CEP128: variants seen among roughly 807,000 people sequenced by gnomAD.
The protein encoded by CEP128 is centrosomal protein 128kDa.
CEP128 carries 132 observed loss-of-function variants against 156.7 expected under a neutral mutation model. That is an observed-to-expected ratio of 0.84 (90% CI 0.73 to 0.97). CEP128 has a LOEUF of 0.97. CEP128 is among the 50% of genes least tolerant of loss of function. The probability of loss-of-function intolerance (pLI) is 0.00; values close to 1 mark genes in which losing one functional copy is unlikely to be tolerated. For missense variants in CEP128, 1,252 were observed against 1,281.9 expected, an observed-to-expected ratio of 0.98 and a Z score of 0.36; for synonymous variants, 469 against 448.9, an observed-to-expected ratio of 1.04 and a Z score of -0.57.
intron 19 of CEP128, among the ~76,000 whole-genome samples, chr14:80,657,035 G>A (rs1239454120): frequency 6.6e-6 from 1 of 151,720 alleles, no homozygotes; most frequent in Non-Finnish European, 1.5e-5. Flanking sequence ...CAAGGTGGGT[G>A]GATCACGAAG....
Position 80,939,502 on chromosome 14 carries a change from C to G in CEP128, c.-133G>C, listed in dbSNP as rs3742722. ...TTCAGGGCAAAGGGCCTAGTCAAGC[C>G]GATGATCTTTGGTTGCCCCTACACT... On this transcript the variant is annotated 5_prime_UTR_variant, in exon 2 of 25. Coordinates refer to ENST00000555265, the MANE Select transcript of CEP128 (RefSeq NM_152446.5). The G allele has an allele frequency of 6.6e-6, 1 of 151,954 alleles. No homozygotes were observed. Among genetic ancestry groups the G allele is most frequent in the African/African-American group, 2.4e-5 (1 of 41,354 alleles). 9.4% of individuals were successfully genotyped at this position (151,954 alleles called of 1,614,324 possible). A position where few individuals can be genotyped will look rare whatever the true frequency, so the allele number is the denominator to read the frequency against.
chr14:80,519,551 T>C (rs924075556), intron 23 of CEP128, among the ~76,000 whole-genome samples: 1 of 152,260 alleles, frequency 6.6e-6, no homozygotes, highest in South Asian at 2.1e-4. Flanking sequence ...AATAATGCAC[T>C]GTCCTTCCAT....
intron 14 of CEP128, among the ~76,000 whole-genome samples, chr14:80,789,973 T>C (rs1211264650): frequency 6.6e-6 from 1 of 152,108 alleles, no homozygotes; most frequent in Non-Finnish European, 1.5e-5. Context: ...TTGAACTGTA[T>C]GTGATAGGAC....
chr14:80,658,161 C>T (rs747942886), intron 19 of CEP128, among the ~76,000 whole-genome samples: 2 of 152,056 alleles, frequency 1.3e-5, no homozygotes, highest in Non-Finnish European at 2.9e-5. Context: ...TCACCTAGTA[C>T]AAGTTTTAAA....
Position 80,609,027 on chromosome 14 carries a change from T to C in CEP128, c.2807-28604A>G, listed in dbSNP as rs151134575. Among the ~76,000 whole-genome samples, 351 of 152,310 alleles carry C rather than the reference T, an allele frequency of 2.3e-3. 1 individual carries two copies. The highest frequency in any genetic ancestry group is 8.1e-3 in the African/African-American group (337 of 41,566). ...AAAATGTATATTGAAGATTGAAGTA[T>C]ATTACATTTTTTGAGATTTGAGAGA... On this transcript the variant is annotated intron_variant, in intron 19 of 24. Coordinates refer to ENST00000555265, the MANE Select transcript of CEP128 (RefSeq NM_152446.5).
intron 24 of CEP128, among the ~76,000 whole-genome samples, chr14:80,502,120 TGCAAGGA>T (rs1411523590): frequency 6.6e-6 from 1 of 152,174 alleles, no homozygotes; most frequent in African/African-American, 2.4e-5. Flanking sequence ...AGGCCTGTTT[TGCAAGGA>T]GCAGGACCTC....
chr14:80,884,561 G>A (rs1006043638), intron 8 of CEP128, among the ~76,000 whole-genome samples: 2 of 152,142 alleles, frequency 1.3e-5, no homozygotes, highest in Admixed American at 6.5e-5. Flanking sequence ...AGGGACTGGC[G>A]AACTCCCTCC....
intron 19 of CEP128, among the ~76,000 whole-genome samples, chr14:80,591,710 T>C (rs1213147966): frequency 1.3e-5 from 2 of 152,206 alleles, no homozygotes; most frequent in Middle Eastern, 3.2e-3. Context: ...TACATTCTTC[T>C]TAGTACCACA....
rs537392823 is a variant in CEP128, at chr14:80,503,924, G to A, written c.3181+988C>T. 7.9e-5 allele frequency among the ~76,000 whole-genome samples: 12 copies of A among 152,192 alleles called. No individual in the cohort carries two copies. The South Asian group carries it at 2.3e-3, about 29-fold the overall frequency. The stretch of plus-strand genomic sequence containing the variant: ...ATAAATATTTATTCAATGAATCCAT[G>A]AATATAAACCAGCAAAAATAAGAGT... On this transcript the variant is annotated intron_variant, in intron 24 of 24. Transcript: ENST00000555265.
intron 2 of CEP128, among the ~76,000 whole-genome samples, chr14:80,919,604 T>C (rs1884741655): frequency 6.6e-6 from 1 of 152,144 alleles, no homozygotes; most frequent in African/African-American, 2.4e-5. Flanking sequence ...AGTCTTTTTT[T>C]ATAAAACACA....
At chr14:80,865,603 G>C (rs1486763959) in intron 8 of CEP128, among the ~76,000 whole-genome samples, 1 of 152,080 alleles carries the variant, frequency 6.6e-6, no homozygotes, top group Non-Finnish European at 1.5e-5. Context: ...GCTAGCCCTA[G>C]GGACTTTCTT....
At chr14:80,740,351 T>C (rs930633957) in intron 19 of CEP128, among the ~76,000 whole-genome samples, 1 of 151,748 alleles carries the variant, frequency 6.6e-6, no homozygotes, top group Non-Finnish European at 1.5e-5. Context: ...TGTCAAAAAT[T>C]CATTAAGGCA....
At chr14:80,599,265 CTTTTTTTTTTT>C (rs375136337) in intron 19 of CEP128, among the ~76,000 whole-genome samples, 1 of 85,406 alleles carries the variant, frequency 1.2e-5, no homozygotes, top group African/African-American at 4.8e-5. Flanking sequence ...CAGTCATATT[CTTTTTTTTTTT>C]TTTTTTTTTT....
intron 13 of CEP128, 141 bp downstream of exon 13, chr14:80,830,995 AGTAAATC>A (rs1199608285): frequency 1.5e-6 from 1 of 684,344 alleles, no homozygotes; most frequent in Non-Finnish European, 2.4e-6. Context: ...TCTACATATA[AGTAAATC>A]AGTCATTAAT....
chr14:80,912,962 T>TG (rs1884334682), intron 4 of CEP128, among the ~76,000 whole-genome samples: 1 of 152,148 alleles, frequency 6.6e-6, no homozygotes, highest in African/African-American at 2.4e-5. Flanking sequence ...TAAGTTTAAT[T>TG]GGTTTTCCAA....
At chr14:80,815,042 A>G (rs937098408) in intron 13 of CEP128, among the ~76,000 whole-genome samples, 2 of 152,356 alleles carry the variant, frequency 1.3e-5, no homozygotes, top group South Asian at 2.1e-4. Flanking sequence ...TTGGCAACAG[A>G]GCGAGACTCC....
intron 9 of CEP128, among the ~76,000 whole-genome samples, chr14:80,859,325 C>T: frequency 6.8e-6 from 1 of 146,554 alleles, no homozygotes; most frequent in Non-Finnish European, 1.5e-5. Flanking sequence ...CATATTCTCA[C>T]TCATAGGTGG....
intron 13 of CEP128, among the ~76,000 whole-genome samples, chr14:80,804,256 C>T (rs1212425491): frequency 1.3e-5 from 2 of 152,166 alleles, no homozygotes; most frequent in Middle Eastern, 3.4e-3. Context: ...TAAAAACACA[C>T]AAACCAAACT....
intron 19 of CEP128, among the ~76,000 whole-genome samples, chr14:80,724,710 G>A (rs184048052): frequency 1.4e-3 from 219 of 151,876 alleles, no homozygotes; most frequent in African/African-American, 3.9e-3. Flanking sequence ...ACTGTCTAGC[G>A]TTCAACTGAA....
Sources: gnomAD v4.1 joint callset for allele counts (sites outside exome capture counted in the v4.1 genomes callset) on GRCh38, gnomAD v4.1.1 for gene constraint, MANE v1.5 for transcripts, NCBI Gene and HGNC (gene_info 2026-07-23, HGNC 2026-07-21) for gene names.